TAF3: variants seen among roughly 807,000 people sequenced by gnomAD.
TAF3 encodes the protein TATA-box binding protein associated factor 3.
A neutral mutation model predicts 80.6 loss-of-function variants in TAF3; 7 were observed. The ratio of observed to expected loss-of-function variants is 0.09; its 90% CI spans 0.05 to 0.16. TAF3 has a LOEUF of 0.16. Among genes scored for constraint, TAF3 ranks in the 10% least tolerant of loss-of-function variants. The pLI is 1.00. For synonymous variants in TAF3, 444 were observed against 446.1 expected, an observed-to-expected ratio of 1.00 and a Z score of 0.06; for missense variants, 921 against 1,140.2, an observed-to-expected ratio of 0.81 and a Z score of 2.77.
intron 2 of TAF3, among the ~76,000 whole-genome samples, chr10:7,846,172 C>T (rs368559545): frequency 7.8e-4 from 118 of 151,986 alleles, no homozygotes; most frequent in East Asian, 2.5e-3. Flanking sequence ...TTAGCCAGGA[C>T]GGTCTCGATC....
intron 2 of TAF3, among the ~76,000 whole-genome samples, chr10:7,937,472 G>A (rs899638364): frequency 1.3e-5 from 2 of 152,064 alleles, no homozygotes; most frequent in Non-Finnish European, 2.9e-5. Context: ...GTGCCTATTT[G>A]CCATCTGTAT....
At chr10:7,995,769 A>AAAAT (rs1356568930) in intron 4 of TAF3, among the ~76,000 whole-genome samples, 1 of 152,228 alleles carries the variant, frequency 6.6e-6, no homozygotes, top group Non-Finnish European at 1.5e-5. Context: ...GTAAATATTA[A>AAAAT]AGAGGCAGGC....
At chr10:7,900,582 A>G (rs1837548844) in intron 2 of TAF3, among the ~76,000 whole-genome samples, 1 of 152,226 alleles carries the variant, frequency 6.6e-6, no homozygotes, top group Admixed American at 6.5e-5. Context: ...TGCCCCTATA[A>G]TGTGGGGCAT....
intron 2 of TAF3, among the ~76,000 whole-genome samples, chr10:7,923,185 C>T (rs1837781381): frequency 6.6e-6 from 1 of 152,028 alleles, no homozygotes; most frequent in South Asian, 2.1e-4. Flanking sequence ...ATTCTATATC[C>T]TCGATTCCTG....
At chr10:7,885,118 CTGTT>C (rs1837397333) in intron 2 of TAF3, among the ~76,000 whole-genome samples, 1 of 151,662 alleles carries the variant, frequency 6.6e-6, no homozygotes, top group African/African-American at 2.4e-5. Flanking sequence ...TACAGAGTGT[CTGTT>C]TGGGTTGATG....
chr10:7,824,457 C>CTG lies in TAF3; in HGVS notation c.306_307insTG (p.Lys103Ter). ...ACCAAATTCCGTCATTTCCTGTTAG[C>CTG]AAGAACAATGTACTTCAGTTTCCTC... On this transcript the variant is annotated frameshift_variant, in exon 2 of 7. Coordinates refer to ENST00000344293, the MANE Select transcript of TAF3 (RefSeq NM_031923.4). LOFTEE classifies it high-confidence loss of function. 1 of 1,614,106 alleles carries CTG rather than the reference C, an allele frequency of 6.2e-7. No individual in the cohort carries two copies. The highest frequency in any genetic ancestry group is 1.3e-5 in the African/African-American group (1 of 75,012).
At chr10:7,912,332 T>C (rs1837664256) in intron 2 of TAF3, among the ~76,000 whole-genome samples, 1 of 152,090 alleles carries the variant, frequency 6.6e-6, no homozygotes, top group Non-Finnish European at 1.5e-5. Flanking sequence ...AATCCTGGGC[T>C]CAAGCGATCA....
intron 2 of TAF3, among the ~76,000 whole-genome samples, chr10:7,910,912 G>A (rs1055457541): frequency 6.6e-6 from 1 of 152,234 alleles, no homozygotes. Flanking sequence ...AGAACAAAAT[G>A]CAAACAAATA....
At position 7,965,345 on chromosome 10, in the gene TAF3, A is replaced by G; in HGVS notation, c.1835A>G (p.Glu612Gly). ...TTGAAAGATGGACTTGTGAGGAAGG[A>G]GAAAGAGAAGCATAAAGATAAGAAG... Reference protein sequence around the residue: ...VKLKDGLVRKEKEKHKDKKKD... With the variant: ...VKLKDGLVRKGKEKHKDKKKD... The change falls in exon 3 of 7, where the codon GAG becomes GGG. Residue 612 changes from glutamate to glycine, a missense_variant. Glu to Gly is a moderately conservative substitution (Grantham distance 98). This residue lies in a region of TAF3 where 743 missense variants were observed against 821.0 expected (regional missense o/e 0.90). Transcript: ENST00000344293. 6.2e-7 allele frequency: 1 copy of G among 1,603,442 alleles called. No individual in the cohort carries two copies. Among genetic ancestry groups the G allele is most frequent in the South Asian group, 1.1e-5 (1 of 87,982 alleles).
rs1270410881 is a variant in TAF3 at position 7,964,742 on chromosome 10, C to T, written c.1232C>T (p.Ser411Phe). 1 of 1,614,216 alleles carries T rather than the reference C, an allele frequency of 6.2e-7. No individual in the cohort carries two copies. ...GAGCCAGATCCTTTCGAATTTTCTT[C>T]TGGATCGGAATCTGAAGGAGACATT... ...EREPDPFEFS[S>F]GSESEGDIFT... The change falls in exon 3 of 7, where the codon TCT becomes TTT. Residue 411 changes from serine to phenylalanine, a missense_variant. Ser to Phe is a radical substitution (Grantham distance 155). This residue lies in a region of TAF3 where 743 missense variants were observed against 821.0 expected (regional missense o/e 0.90). Coordinates refer to ENST00000344293, the MANE Select transcript of TAF3 (RefSeq NM_031923.4). This position sits in a 1 kb window ranked among gnomAD's most constrained non-coding sequence, Gnocchi z 4.1.
In TAF3 at chr10:7,885,270, ACACC is replaced by A. The variant is rs917485888; in HGVS notation, c.409+60712_409+60715del. 7.2e-5 allele frequency among the ~76,000 whole-genome samples: 11 copies of A among 151,770 alleles called. No homozygotes were observed. The East Asian group carries it at 1.2e-3, about 16-fold the overall frequency. On this transcript the variant is annotated intron_variant, in intron 2 of 6. Coordinates refer to ENST00000344293, the MANE Select transcript of TAF3 (RefSeq NM_031923.4). ...TTTTGACACACACACACACACACAC[ACACC>A]CCCACACACACACAAAGTGACTAAT...
chr10:7,873,687 G>A (rs1447332043), intron 2 of TAF3, among the ~76,000 whole-genome samples: 2 of 150,356 alleles, frequency 1.3e-5, no homozygotes, highest in Non-Finnish European at 2.9e-5. Flanking sequence ...CTTAGGGTAC[G>A]TCATAAAGCA....
At chr10:7,899,934 C>T (rs1837542837) in intron 2 of TAF3, among the ~76,000 whole-genome samples, 1 of 152,160 alleles carries the variant, frequency 6.6e-6, no homozygotes, top group Non-Finnish European at 1.5e-5. Flanking sequence ...TTTTTAAAGG[C>T]AAGTATCTTT....
At chr10:7,932,137 G>T (rs1178678733) in intron 2 of TAF3, among the ~76,000 whole-genome samples, 1 of 152,156 alleles carries the variant, frequency 6.6e-6, no homozygotes, top group Non-Finnish European at 1.5e-5. Context: ...TCAATACTGG[G>T]AGTATAGTCA....
intron 5 of TAF3, 51 bp from the exon 6 acceptor site, chr10:8,013,679 GT>G (rs959558878): frequency 2.2e-5 from 33 of 1,494,202 alleles, no homozygotes; most frequent in Non-Finnish European, 3.1e-5. Flanking sequence ...GCCTCTTTTT[GT>G]TTTTTTTCCC....
chr10:7,911,135 T>C (rs1837653413), intron 2 of TAF3, among the ~76,000 whole-genome samples: 1 of 152,226 alleles, frequency 6.6e-6, no homozygotes, highest in South Asian at 2.1e-4. Flanking sequence ...CTAGATCTTT[T>C]AAAGAAGGTG....
intron 2 of TAF3, among the ~76,000 whole-genome samples, chr10:7,831,137 G>A (rs183368450): frequency 1.4e-3 from 218 of 152,198 alleles, no homozygotes; most frequent in Middle Eastern, 6.8e-3. Flanking sequence ...AACTTTATAA[G>A]AAAATCCTTT....
intron 2 of TAF3, among the ~76,000 whole-genome samples, chr10:7,947,934 C>T (rs746176451): frequency 1.3e-5 from 2 of 152,178 alleles, no homozygotes; most frequent in Non-Finnish European, 2.9e-5. Context: ...TGAAATCACC[C>T]ATGTACAGAC....
chr10:7,886,027 CA>C (rs1381616003), intron 2 of TAF3, among the ~76,000 whole-genome samples: 2 of 152,154 alleles, frequency 1.3e-5, no homozygotes, highest in African/African-American at 4.8e-5. Flanking sequence ...CTCCTGGGCC[CA>C]AGTGATCCTC....
Sources: gnomAD v4.1 joint callset for allele counts (sites outside exome capture counted in the v4.1 genomes callset) on GRCh38, gnomAD v4.1.1 for gene constraint, gnomAD v4.1.1 regional missense constraint, Gnocchi (gnomAD v3.1) non-coding constraint, MANE v1.5 for transcripts, NCBI Gene and HGNC (gene_info 2026-07-23, HGNC 2026-07-21) for gene names.